SCAMP1: variants seen among roughly 807,000 people sequenced by gnomAD.
SCAMP1 encodes the protein secretory carrier-associated membrane protein 1.
SCAMP1 carries 15 observed loss-of-function variants against 41.8 expected under a neutral mutation model. The ratio of observed to expected loss-of-function variants is 0.36; its 90% CI spans 0.24 to 0.55. SCAMP1 has a LOEUF of 0.55. SCAMP1 is among the 20% of genes least tolerant of loss of function. SCAMP1 has a pLI of 0.86. For missense variants in SCAMP1, 341 were observed against 412.6 expected (o/e 0.83, Z 1.50); for synonymous variants, 135 against 136.8 (o/e 0.99, Z 0.09).
At chr5:78,430,437 T>C (rs1463046891) in intron 6 of SCAMP1, among the ~76,000 whole-genome samples, 3 of 151,654 alleles carry the variant, frequency 2.0e-5, no homozygotes, top group Non-Finnish European at 2.9e-5. Flanking sequence ...TCTGATTCTT[T>C]CCATATTTTC....
intron 2 of SCAMP1, among the ~76,000 whole-genome samples, chr5:78,405,046 T>C (rs933735338): frequency 1.2e-4 from 19 of 152,236 alleles, no homozygotes; most frequent in African/African-American, 4.6e-4. Flanking sequence ...TCTGGCAAAT[T>C]GTTACTCCTT....
chr5:78,415,265 C>T (rs559812478), intron 2 of SCAMP1, among the ~76,000 whole-genome samples: 32 of 152,096 alleles, frequency 2.1e-4, no homozygotes, highest in Admixed American at 1.1e-3. Context: ...TATTAACATA[C>T]GGTATCCTGG....
intron 1 of SCAMP1, among the ~76,000 whole-genome samples, chr5:78,361,808 T>C (rs1750660825): frequency 6.6e-6 from 1 of 152,256 alleles, no homozygotes; most frequent in African/African-American, 2.4e-5. Context: ...GTCACACAAG[T>C]GTCACTTCTG....
At chr5:78,385,174 A>G (rs1370221655) in intron 1 of SCAMP1, among the ~76,000 whole-genome samples, 1 of 152,036 alleles carries the variant, frequency 6.6e-6, no homozygotes, top group African/African-American at 2.4e-5. Context: ...GGCTTATTCT[A>G]CAAGGGTTGT....
intron 2 of SCAMP1, among the ~76,000 whole-genome samples, chr5:78,398,506 A>C (rs1751713332): frequency 6.8e-6 from 1 of 148,116 alleles, no homozygotes; most frequent in South Asian, 2.1e-4. Flanking sequence ...CTAGGATTAC[A>C]GGCATAAGTC....
chr5:78,388,855 G>A lies in SCAMP1; in HGVS notation c.76G>A (p.Val26Met). Reference sequence around the variant, plus strand: ...ATTCTAGGATCCATCAGTTACACAAGTGACAAGAAATGTTCCACCAGGACT... The same window carrying A: ...ATTCTAGGATCCATCAGTTACACAAATGACAAGAAATGTTCCACCAGGACT... ...NPFKDPSVTQ[V>M]TRNVPPGLDE... Residue 26 changes from valine to methionine, a missense_variant, in exon 2 of 9, where the codon GTG (valine) becomes ATG (methionine). By Grantham distance (21) the Val-to-Met change is conservative. Transcript: ENST00000621999. 6.5e-7 allele frequency: 1 copy of A among 1,547,530 alleles called. No individual in the cohort carries two copies. Among genetic ancestry groups the A allele is most frequent in the Non-Finnish European group, 8.9e-7 (1 of 1,125,288 alleles).
At chr5:78,458,185 C>G (rs1242218065) in intron 7 of SCAMP1, among the ~76,000 whole-genome samples, 3 of 152,158 alleles carry the variant, frequency 2.0e-5, no homozygotes, top group African/African-American at 4.8e-5. Context: ...GGAGCTGTTC[C>G]TATTCGGCCA....
chr5:78,443,790 G>A (rs1040460943), intron 6 of SCAMP1, among the ~76,000 whole-genome samples: 1 of 149,454 alleles, frequency 6.7e-6, no homozygotes, highest in African/African-American at 2.5e-5. Context: ...TCCCAAATAG[G>A]CAGGACTACA....
rs1754037412 is a variant in SCAMP1 at position 78,477,712 on chromosome 5, T to G, written c.*2044T>G. 1 of 152,188 alleles carries G rather than the reference T, an allele frequency of 6.6e-6. No individual in the cohort carries two copies. Among genetic ancestry groups the G allele is most frequent in the African/African-American group, 2.4e-5 (1 of 41,472 alleles). 9.4% of individuals were successfully genotyped at this position (152,188 alleles called of 1,614,324 possible). A position where few individuals can be genotyped will look rare whatever the true frequency, so the allele number is the denominator to read the frequency against. On this transcript the variant is annotated 3_prime_UTR_variant, in exon 9 of 9. Coordinates refer to ENST00000621999, the MANE Select transcript of SCAMP1 (RefSeq NM_004866.6). ...ATTAGAACCCACATATCTTTTTTTG[T>G]GTGGATGGGGAAAATGTTTTAAAAT...
chr5:78,467,036 T>C (rs1179664201), intron 8 of SCAMP1, among the ~76,000 whole-genome samples: 1 of 152,194 alleles, frequency 6.6e-6, no homozygotes, highest in Non-Finnish European at 1.5e-5. Context: ...GGGATCAAGA[T>C]GTTTTCCACG....
At chr5:78,424,000 A>G (rs1182329355) in intron 6 of SCAMP1, among the ~76,000 whole-genome samples, 1 of 152,032 alleles carries the variant, frequency 6.6e-6, no homozygotes, top group Non-Finnish European at 1.5e-5. Context: ...ATGCACCACC[A>G]TGCCTGGCTA....
intron 2 of SCAMP1, among the ~76,000 whole-genome samples, chr5:78,391,572 A>T (rs1048465884): frequency 6.7e-6 from 1 of 149,928 alleles, no homozygotes; most frequent in African/African-American, 2.5e-5. Context: ...ATGGGTGGCC[A>T]GGCAGAGACG....
intron 2 of SCAMP1, among the ~76,000 whole-genome samples, chr5:78,394,324 C>T (rs11741520): frequency 0.24 from 36,332 of 151,832 alleles, 4,817 homozygotes; most frequent in East Asian, 0.54. Flanking sequence ...ATAACCTCTT[C>T]GAAAATCTTT....
At chr5:78,400,492 C>G (rs76453485) in intron 2 of SCAMP1, among the ~76,000 whole-genome samples, 2,977 of 152,260 alleles carry the variant, frequency 0.02, 111 homozygotes, top group African/African-American at 0.067. Flanking sequence ...GTCTTCCTAT[C>G]CATGATCATG....
chr5:78,375,944 CT>C (rs1561251228), intron 1 of SCAMP1, among the ~76,000 whole-genome samples: 1 of 152,154 alleles, frequency 6.6e-6, no homozygotes, highest in Middle Eastern at 3.2e-3. Context: ...ACCAAGTGAA[CT>C]TAATTGTAAT....
chr5:78,461,444 T>C (rs933607374), intron 8 of SCAMP1, among the ~76,000 whole-genome samples: 2 of 152,210 alleles, frequency 1.3e-5, no homozygotes, highest in Admixed American at 6.5e-5. Flanking sequence ...CCTTTCCCCA[T>C]TGTTCATTAT....
rs1268376792 is a variant in SCAMP1, at chr5:78,392,017, G to GT, written c.135+3103_135+3104insT. 7.5e-5 allele frequency among the ~76,000 whole-genome samples: 8 copies of GT among 106,184 alleles called. No individual in the cohort carries two copies. In the East Asian group the frequency reaches 1.8e-3, roughly 24 times the overall value. The allele number at this position is 106,184 out of a possible 152,430, so 69.7% of individuals were successfully genotyped here. ...CCGTGGAAAGAGAGGGAGAGGGAGA[G>GT]GGAGAGAGAGGGAGAGGGAGACCGT... is the stretch of plus-strand genomic sequence containing the variant. On this transcript the variant is annotated intron_variant, in intron 2 of 8. Coordinates refer to ENST00000621999, the MANE Select transcript of SCAMP1 (RefSeq NM_004866.6).
At chr5:78,422,078 A>G in intron 6 of SCAMP1, 118 bp downstream of exon 6, 1 of 846,028 alleles carries the variant, frequency 1.2e-6, no homozygotes, top group Non-Finnish European at 1.8e-6. Flanking sequence ...TTGTTGTGTA[A>G]CATACCTTCA....
chr5:78,427,245 G>A (rs1303822619), intron 6 of SCAMP1, among the ~76,000 whole-genome samples: 1 of 152,126 alleles, frequency 6.6e-6, no homozygotes, highest in African/African-American at 2.4e-5. Flanking sequence ...GAAGCCAGTT[G>A]GGGGAGAGGT....
Sources: allele counts gnomAD v4.1 joint callset (sites outside exome capture counted in the v4.1 genomes callset), GRCh38; gene constraint gnomAD v4.1.1; transcripts MANE v1.5; gene names NCBI Gene and HGNC (gene_info 2026-07-23, HGNC 2026-07-21).